The following KCNH1 variants were observed in gnomAD, a reference collection of about 807,000 sequenced individuals.
The protein encoded by KCNH1 is potassium voltage-gated channel subfamily H member 1.
A neutral mutation model predicts 69.2 loss-of-function variants in KCNH1; 27 were observed. The observed-to-expected ratio is 0.39, with a 90% CI of 0.29 to 0.54. The LOEUF (loss-of-function observed/expected upper bound fraction) is 0.54, where lower values mean the gene tolerates loss of function less well. Among genes scored for constraint, KCNH1 ranks in the 20% least tolerant of loss-of-function variants. The probability of loss-of-function intolerance (pLI) is 0.68; values close to 1 mark genes in which losing one functional copy is unlikely to be tolerated. For synonymous variants in KCNH1, 456 were observed against 487.7 expected (o/e 0.93, Z 0.86); for missense variants, 798 against 1,261.6 (o/e 0.63, Z 5.57).
At chr1:210,980,054 T>C (rs1472063391) in intron 6 of KCNH1, among the ~76,000 whole-genome samples, 2 of 152,216 alleles carry the variant, frequency 1.3e-5, no homozygotes, top group Non-Finnish European at 1.5e-5. Flanking sequence ...GCTTAATTAT[T>C]TCAGGCATTT....
At chr1:210,780,811 G>C (rs576043212) in intron 9 of KCNH1, among the ~76,000 whole-genome samples, 2 of 152,290 alleles carry the variant, frequency 1.3e-5, no homozygotes, top group South Asian at 4.1e-4. Context: ...ACTTTGGGAG[G>C]CCGAGGCGGG....
intron 9 of KCNH1, among the ~76,000 whole-genome samples, chr1:210,795,960 AAAAC>A (rs1231668187): frequency 3.4e-4 from 23 of 68,524 alleles, no homozygotes; most frequent in South Asian, 9.5e-4. Flanking sequence ...ATCTCTACTA[AAAAC>A]ACACACACAC....
In KCNH1 at chr1:210,803,912, C is replaced by T. The variant is rs1684478264; in HGVS notation, c.1662+55G>A. 3 of 1,513,404 alleles carry T rather than the reference C, an allele frequency of 2.0e-6. No individual in the cohort carries two copies. In the South Asian group the frequency reaches 3.6e-5, roughly 18 times the overall value. The allele number at this position is 1,513,404 out of a possible 1,614,324, so 93.7% of individuals were successfully genotyped here. A position where few individuals can be genotyped will look rare whatever the true frequency, so the allele number is the denominator to read the frequency against. On this transcript the variant is annotated intron_variant, in intron 8 of 10. Transcript: ENST00000271751. Reference sequence around the variant, plus strand: ...TCCACTGTCTTAGGCAAGCCTCAACCCTCCTAGGGAAACCAAAAGACAAAT... The same window carrying T: ...TCCACTGTCTTAGGCAAGCCTCAACTCTCCTAGGGAAACCAAAAGACAAAT...
chr1:211,079,038 GA>G (rs1426916604), intron 5 of KCNH1, among the ~76,000 whole-genome samples: 2 of 151,320 alleles, frequency 1.3e-5, no homozygotes, highest in Non-Finnish European at 2.9e-5. Flanking sequence ...CTGGTTTTTT[GA>G]AAAGATCAAC....
chr1:210,847,249 C>A (rs1288522977), intron 7 of KCNH1, among the ~76,000 whole-genome samples: 1 of 152,128 alleles, frequency 6.6e-6, no homozygotes, highest in Non-Finnish European at 1.5e-5. Context: ...CAAAGGACTA[C>A]AAATCGTGCT....
At chr1:210,975,963 A>G (rs1216202878) in intron 6 of KCNH1, among the ~76,000 whole-genome samples, 1 of 152,262 alleles carries the variant, frequency 6.6e-6, no homozygotes, top group Non-Finnish European at 1.5e-5. Flanking sequence ...CACTTCTCAA[A>G]AGAAGACATT....
chr1:210,762,872 A>G (rs1683549832), intron 10 of KCNH1, among the ~76,000 whole-genome samples: 1 of 152,080 alleles, frequency 6.6e-6, no homozygotes, highest in Non-Finnish European at 1.5e-5. Context: ...AACTCATTCT[A>G]CTAAATCAGC....
chr1:210,796,645 G>A (rs1182282686), intron 9 of KCNH1, among the ~76,000 whole-genome samples: 12 of 151,866 alleles, frequency 7.9e-5, no homozygotes, highest in Admixed American at 1.3e-4. Flanking sequence ...TATAGTCCTC[G>A]CTGACTCCTC....
At chr1:210,807,202 A>G (rs1684602816) in intron 7 of KCNH1, among the ~76,000 whole-genome samples, 1 of 152,106 alleles carries the variant, frequency 6.6e-6, no homozygotes, top group South Asian at 2.1e-4. Flanking sequence ...CATTCAAAAT[A>G]CAGAATTCTT....
intron 6 of KCNH1, among the ~76,000 whole-genome samples, chr1:210,953,504 T>C (rs114503722): frequency 2.6e-4 from 39 of 152,340 alleles, no homozygotes; most frequent in African/African-American, 8.4e-4. Flanking sequence ...GCTCCAACTT[T>C]TCTGGCAATC....
intron 10 of KCNH1, among the ~76,000 whole-genome samples, chr1:210,702,058 G>A (rs1681794984): frequency 6.6e-6 from 1 of 152,280 alleles, no homozygotes; most frequent in South Asian, 2.1e-4. Context: ...AATTTTCAAT[G>A]TATTTGTTTA....
intron 6 of KCNH1, among the ~76,000 whole-genome samples, chr1:210,954,019 G>A (rs1688113017): frequency 6.6e-6 from 1 of 152,212 alleles, no homozygotes; most frequent in South Asian, 2.1e-4. Context: ...TTTACATTAG[G>A]TATTTCTCCA....
rs758026291 is a variant in KCNH1, at chr1:210,922,383, C to CA, written c.1033-2315dup. On this transcript the variant is annotated intron_variant, in intron 6 of 10. Coordinates refer to ENST00000271751, the MANE Select transcript of KCNH1 (RefSeq NM_172362.3). ...TGGGCAACAGAGCGAGACTCCGTCT[C>CA]AAAAAAAAAAAAAAAAAAAAAAAAA... Among the ~76,000 whole-genome samples, 341 of 98,280 alleles carry CA rather than the reference C, an allele frequency of 3.5e-3. 53 individuals are homozygous for CA. The highest frequency in any genetic ancestry group is 5.1e-3 in the Non-Finnish European group (246 of 47,782). The allele number at this position is 98,280 out of a possible 152,430, so 64.5% of individuals were successfully genotyped here. A position where few individuals can be genotyped will look rare whatever the true frequency, so the allele number is the denominator to read the frequency against.
In KCNH1 at chr1:210,775,548, A is replaced by T. The variant is rs1385706455; in HGVS notation, c.1916-4T>A. On this transcript the variant is annotated splice_region_variant and splice_polypyrimidine_tract_variant and intron_variant, in intron 9 of 10. Transcript: ENST00000271751. ...TCTCCAAACACGTCTCCTTTTCCTA[A>T]GGAGAGAAGGTTGTCATGAGGAAAG... 6 of 1,611,268 alleles carry T rather than the reference A, an allele frequency of 3.7e-6. No individual in the cohort carries two copies. The highest frequency in any genetic ancestry group is 1.7e-4 in the Middle Eastern group (1 of 5,898).
chr1:210,862,374 A>C (rs545892676), intron 7 of KCNH1: 9 of 634,990 alleles, frequency 1.4e-5, no homozygotes, highest in Admixed American at 4.6e-5. Flanking sequence ...CCGCAGCGGC[A>C]ACTGGCGCAA....
Position 211,018,868 on chromosome 1 carries a change from T to A in KCNH1, c.947A>T (p.Asp316Val). The change falls in exon 6 of 11, where the codon GAT becomes GTT. Residue 316 changes from aspartate to valine, a missense_variant. This residue lies in a region of KCNH1 where 266 missense variants were observed against 457.2 expected (regional missense o/e 0.58). Transcript: ENST00000271751. ...YDVINAFENVDEVSAFMGDPG... is the reference protein window; with the variant it reads ...YDVINAFENVVEVSAFMGDPG... The stretch of plus-strand genomic sequence containing the variant: ...ATCACCCATAAAGGCACTAACCTCA[T>A]CCACGTTCTCAAAAGCGTTGATGAC... The A allele has an allele frequency of 6.2e-7, 1 of 1,614,070 alleles. No individual in the cohort carries two copies. Among genetic ancestry groups the A allele is most frequent in the Non-Finnish European group, 8.5e-7 (1 of 1,179,978 alleles).
At chr1:210,958,761 A>G (rs1688236717) in intron 6 of KCNH1, among the ~76,000 whole-genome samples, 1 of 152,190 alleles carries the variant, frequency 6.6e-6, no homozygotes, top group Non-Finnish European at 1.5e-5. Flanking sequence ...CAACTCCATC[A>G]GGTCATTTAG....
At chr1:210,975,910 A>C (rs189223351) in intron 6 of KCNH1, among the ~76,000 whole-genome samples, 5 of 152,352 alleles carry the variant, frequency 3.3e-5, no homozygotes, top group Non-Finnish European at 7.3e-5. Flanking sequence ...ACAAGAAAAA[A>C]ACAAACAACC....
intron 5 of KCNH1, among the ~76,000 whole-genome samples, chr1:211,081,388 A>ACCATTGTGG (rs1322826306): frequency 2.0e-5 from 3 of 152,348 alleles, no homozygotes; most frequent in Non-Finnish European, 2.9e-5. Flanking sequence ...AACTAGCTCA[A>ACCATTGTGG]CCATTGTGGA....
Sources: gnomAD v4.1 joint callset for allele counts (sites outside exome capture counted in the v4.1 genomes callset) on GRCh38, gnomAD v4.1.1 for gene constraint, gnomAD v4.1.1 regional missense constraint, MANE v1.5 for transcripts, NCBI Gene and HGNC (gene_info 2026-07-23, HGNC 2026-07-21) for gene names.